Variants in DGLUCY observed in about 807,000 individuals in gnomAD.
DGLUCY encodes the protein D-glutamate cyclase, mitochondrial.
Under a neutral mutation model 58.5 loss-of-function variants are expected in DGLUCY, and 58 were observed. The observed-to-expected ratio is 0.99, with a 90% CI of 0.80 to 1.23. The LOEUF (loss-of-function observed/expected upper bound fraction) is 1.23. Ranked by LOEUF, DGLUCY falls within the 50% of genes most tolerant of loss-of-function variation. The probability of loss-of-function intolerance (pLI) is 0.00; values close to 1 mark genes in which losing one functional copy is unlikely to be tolerated. For synonymous variants in DGLUCY, 325 were observed against 314.1 expected, an observed-to-expected ratio of 1.03 and a Z score of -0.37; for missense variants, 779 against 784.7, an observed-to-expected ratio of 0.99 and a Z score of 0.09.
At chr14:91,123,743 C>T (rs1013360409) in intron 1 of DGLUCY, among the ~76,000 whole-genome samples, 2 of 152,074 alleles carry the variant, frequency 1.3e-5, no homozygotes, top group Admixed American at 1.3e-4. Flanking sequence ...TGCACCGCCA[C>T]AGCCAGCTGA....
chr14:91,105,667 C>G (rs2044576476), upstream of DGLUCY, among the ~76,000 whole-genome samples: 1 of 152,226 alleles, frequency 6.6e-6, no homozygotes, highest in South Asian at 2.1e-4. Flanking sequence ...TCTTCAGAGA[C>G]ACTTCAAGGG....
At chr14:91,184,307 G>A (rs2049354030) in intron 8 of DGLUCY, among the ~76,000 whole-genome samples, 1 of 151,870 alleles carries the variant, frequency 6.6e-6, no homozygotes. Context: ...TTCTTGGGAG[G>A]CCGAGGTGGG....
chr14:91,116,934 G>A (rs1003958912), intron 1 of DGLUCY, among the ~76,000 whole-genome samples: 1 of 88,844 alleles, frequency 1.1e-5, no homozygotes, highest in African/African-American at 5.3e-5. Flanking sequence ...CAGAGTGAGA[G>A]TCTGTCTCAA....
chr14:91,162,993 C>T (rs1280658133), intron 3 of DGLUCY, among the ~76,000 whole-genome samples: 2 of 152,008 alleles, frequency 1.3e-5, no homozygotes, highest in Non-Finnish European at 2.9e-5. Context: ...CATGACGGCT[C>T]ACACCTGTAA....
rs560547423 is a variant in DGLUCY at position 91,205,925 on chromosome 14, C to T, written c.1564+1100C>T. 9.5e-5 allele frequency among the ~76,000 whole-genome samples: 14 copies of T among 147,872 alleles called. No homozygotes were observed. The South Asian group carries it at 2.6e-3, about 28-fold the overall frequency. ...GTGCCATCTTGGTCGCTGCAACCTC[C>T]GCCTCCCGGGTTAAAGCGATTCTCC... On this transcript the variant is annotated intron_variant, in intron 12 of 13. Transcript: ENST00000256324.
intron 7 of DGLUCY, among the ~76,000 whole-genome samples, chr14:91,176,941 C>T (rs867092013): frequency 1.3e-5 from 2 of 151,776 alleles, no homozygotes; most frequent in African/African-American, 2.4e-5. Flanking sequence ...TTCCTTCCTT[C>T]CCTTCTTCTT....
At position 91,160,408 on chromosome 14, in the gene DGLUCY, C is replaced by G; in HGVS notation, c.103+11C>G. 1.1e-6 allele frequency: 1 copy of G among 908,472 alleles called. No homozygotes were observed. Among genetic ancestry groups the G allele is most frequent in the Non-Finnish European group, 1.6e-6 (1 of 606,910 alleles). 56.3% of individuals were successfully genotyped at this position (908,472 alleles called of 1,614,324 possible). On this transcript the variant is annotated intron_variant, in intron 3 of 13. Transcript: ENST00000256324. ...CCAGCATGGCTGGAGGTAAGTGGTG[C>G]CAGATAGTTAAAAAAAAAAAAAAAA...
intron 1 of DGLUCY, chr14:91,145,200 CCT>C (rs986977894): frequency 1.6e-4 from 24 of 152,168 alleles, no homozygotes; most frequent in Admixed American, 2.6e-4. Context: ...TCCCAACCTC[CCT>C]CTCTGCCCCA....
chr14:91,183,762 T>C (rs921085369), intron 8 of DGLUCY, among the ~76,000 whole-genome samples: 17 of 152,172 alleles, frequency 1.1e-4, no homozygotes, highest in Non-Finnish European at 2.5e-4. Context: ...AGGGCAGAAC[T>C]TGAACCCATG....
At chr14:91,130,722 G>T (rs962353685) in intron 1 of DGLUCY, among the ~76,000 whole-genome samples, 10 of 151,202 alleles carry the variant, frequency 6.6e-5, no homozygotes, top group Admixed American at 5.3e-4. Flanking sequence ...AGGCTCAAGC[G>T]ATCTTACCAC....
chr14:91,149,666 A>C (rs1595764613), intron 1 of DGLUCY, among the ~76,000 whole-genome samples: 1 of 152,184 alleles, frequency 6.6e-6, no homozygotes, highest in Admixed American at 6.6e-5. Flanking sequence ...CGTTGCAGAA[A>C]CTCTGTACTA....
Position 91,160,397 on chromosome 14 carries a change from G to C in DGLUCY, c.103G>C (p.Glu35Gln). The change falls in exon 3 of 14, where the codon GAG (glutamate) becomes CAG (glutamine). Residue 35 changes from glutamate (E) to glutamine (Q), a missense_variant and splice_region_variant. Glu to Gln is a conservative substitution (Grantham distance 29). Transcript: ENST00000256324. ...CAGAAATACATCCAGCATGGCTGGAGGTAAGTGGTGCCAGATAGTTAAAAA... is the reference window on the plus strand; with the variant it reads ...CAGAAATACATCCAGCATGGCTGGACGTAAGTGGTGCCAGATAGTTAAAAA... ...NIRNTSSMAG[E>Q]LRPASLVVLP... 7.6e-7 allele frequency: 1 copy of C among 1,323,108 alleles called. No homozygotes were observed. Among genetic ancestry groups the C allele is most frequent in the Non-Finnish European group, 1.1e-6 (1 of 933,074 alleles). The allele number at this position is 1,323,108 out of a possible 1,614,324, so 82.0% of individuals were successfully genotyped here. A position where few individuals can be genotyped will look rare whatever the true frequency, so the allele number is the denominator to read the frequency against.
rs527779040 is a variant in DGLUCY, at chr14:91,144,907, T to C, written c.-81-12732T>C. On this transcript the variant is annotated intron_variant, in intron 1 of 13. Coordinates refer to ENST00000256324, the MANE Select transcript of DGLUCY (RefSeq NM_001102368.3). ...AGAAATGGAGCATTTGGGAGGGAGT[T>C]GGGGGTGCTGGAAGGGGCCTTGTGG... 3.3e-5 allele frequency among the ~76,000 whole-genome samples: 5 copies of C among 151,884 alleles called. No individual in the cohort carries two copies. In the South Asian group the frequency reaches 8.3e-4, roughly 25 times the overall value.
chr14:91,060,614 C>T (rs916373782), exon 1 of DGLUCY: 20 of 853,678 alleles, frequency 2.3e-5, no homozygotes, highest in African/African-American at 8.8e-5. Context: ...TCGCCTCCTC[C>T]CCCTTCGGCG....
intron 5 of DGLUCY, among the ~76,000 whole-genome samples, chr14:91,171,719 T>C (rs1292968636): frequency 6.6e-6 from 1 of 152,200 alleles, no homozygotes; most frequent in African/African-American, 2.4e-5. Flanking sequence ...ATAAGCTCTA[T>C]TGCAGGCACC....
At chr14:91,168,838 G>T (rs1247055483) in intron 4 of DGLUCY, among the ~76,000 whole-genome samples, 1 of 152,200 alleles carries the variant, frequency 6.6e-6, no homozygotes, top group East Asian at 1.9e-4. Flanking sequence ...TGTAATCCCA[G>T]CACTTTGGGA....
chr14:91,178,569 A>G (rs1566986603), intron 7 of DGLUCY, among the ~76,000 whole-genome samples: 2 of 152,242 alleles, frequency 1.3e-5, no homozygotes, highest in Non-Finnish European at 2.9e-5. Context: ...CTGTTCTGAC[A>G]TCTACCTGGT....
intron 1 of DGLUCY, among the ~76,000 whole-genome samples, chr14:91,102,282 G>A (rs573151140): frequency 6.6e-6 from 1 of 152,282 alleles, no homozygotes; most frequent in South Asian, 2.1e-4. Flanking sequence ...CTTCTGGAAT[G>A]TCTTACTCCT....
At chr14:91,099,284 A>G (rs572724366) in intron 1 of DGLUCY, among the ~76,000 whole-genome samples, 246 of 152,212 alleles carry the variant, frequency 1.6e-3, no homozygotes, top group Non-Finnish European at 2.9e-3. Context: ...TATAATCCCA[A>G]TACTTTGGGA....
Sources: gnomAD v4.1 joint callset for allele counts (sites outside exome capture counted in the v4.1 genomes callset) on GRCh38, gnomAD v4.1.1 for gene constraint, MANE v1.5 for transcripts, NCBI Gene and HGNC (gene_info 2026-07-23, HGNC 2026-07-21) for gene names.